The following CPNE5 variants were observed in gnomAD, a reference collection of about 807,000 sequenced individuals.
The protein encoded by CPNE5 is copine 5.
In CPNE5, 42 loss-of-function variants were observed where a neutral mutation model predicts 81.1. That is an observed-to-expected ratio of 0.52 (90% CI 0.40 to 0.67). CPNE5 has a LOEUF of 0.67. CPNE5 is among the 30% of genes least tolerant of loss of function. The pLI, the probability that CPNE5 is intolerant of heterozygous loss-of-function variation, is 0.00. For synonymous variants in CPNE5, 313 were observed against 321.5 expected, an observed-to-expected ratio of 0.97 and a Z score of 0.28; for missense variants, 612 against 815.5, an observed-to-expected ratio of 0.75 and a Z score of 3.04.
chr6:36,838,161 C>T (rs1286935778), intron 1 of CPNE5, among the ~76,000 whole-genome samples: 1 of 152,216 alleles, frequency 6.6e-6, no homozygotes, highest in East Asian at 1.9e-4. Context: ...GCTCTACCTA[C>T]ACCTCATCAA....
At chr6:36,833,231 C>T (rs1052030804) in intron 1 of CPNE5, among the ~76,000 whole-genome samples, 12 of 152,240 alleles carry the variant, frequency 7.9e-5, no homozygotes, top group Non-Finnish European at 1.5e-5. Context: ...CAAGTCCCTT[C>T]ACCTCTCTGA....
chr6:36,758,161 C>T (rs998471705), intron 12 of CPNE5, among the ~76,000 whole-genome samples: 1 of 152,170 alleles, frequency 6.6e-6, no homozygotes, highest in African/African-American at 2.4e-5. Context: ...CCTCAGTCTC[C>T]TCATCTCTAA....
chr6:36,752,609 G>A (rs889023013), intron 14 of CPNE5: 1 of 157,156 alleles, frequency 6.4e-6, no homozygotes, highest in Non-Finnish European at 1.4e-5. Context: ...TACAGAGGAG[G>A]AAACTGATAC....
chr6:36,792,657 G>C (rs1239396228), intron 7 of CPNE5, among the ~76,000 whole-genome samples: 1 of 152,168 alleles, frequency 6.6e-6, no homozygotes, highest in East Asian at 1.9e-4. Context: ...CTGGGAGTGA[G>C]AGATCCCAGC....
intron 18 of CPNE5, 135 bp downstream of exon 18, chr6:36,744,906 AGGCAGGG>A: frequency 6.1e-6 from 4 of 652,834 alleles, no homozygotes; most frequent in South Asian, 1.8e-5. Context: ...GGGCCCAGTG[AGGCAGGG>A]AAATGAGAAG....
At chr6:36,823,023 A>G in intron 2 of CPNE5, 35 bp downstream of exon 2, 1 of 1,528,244 alleles carries the variant, frequency 6.5e-7, no homozygotes, top group South Asian at 1.3e-5. Context: ...CGTTGCCGCT[A>G]TTGTTACCGT....
chr6:36,777,792 A>G (rs1399753491), intron 9 of CPNE5, among the ~76,000 whole-genome samples: 1 of 114,568 alleles, frequency 8.7e-6, no homozygotes, highest in South Asian at 3.8e-4. Context: ...ACACACACAC[A>G]CACACACACA....
At chr6:36,790,729 G>C (rs1019494915) in intron 8 of CPNE5, among the ~76,000 whole-genome samples, 23 of 152,090 alleles carry the variant, frequency 1.5e-4, no homozygotes, top group African/African-American at 5.3e-4. Flanking sequence ...GTTTTTAGTA[G>C]AGACGGGGTT....
chr6:36,763,703 T>A (rs904411027), intron 11 of CPNE5, among the ~76,000 whole-genome samples: 20 of 152,180 alleles, frequency 1.3e-4, no homozygotes, highest in Non-Finnish European at 2.6e-4. Flanking sequence ...ACATTTTCAA[T>A]GAAGCATTTA....
At chr6:36,804,974 T>C (rs1770456202) in intron 3 of CPNE5, among the ~76,000 whole-genome samples, 1 of 152,162 alleles carries the variant, frequency 6.6e-6, no homozygotes, top group Admixed American at 6.5e-5. Flanking sequence ...TTACTGAAGA[T>C]GTTTTATAGC....
In CPNE5 at chr6:36,766,577, A is replaced by G. The variant is rs1766582326; in HGVS notation, c.738-1201T>C. On this transcript the variant is annotated intron_variant, in intron 10 of 20. Coordinates refer to ENST00000244751, the MANE Select transcript of CPNE5 (RefSeq NM_020939.2). The surrounding 1 kb of genome is among the most constrained non-coding windows in gnomAD (Gnocchi z 4.2). The stretch of plus-strand genomic sequence containing the variant: ...GAGGTGAATTATTGTGGAAAGGAAA[A>G]AAAAATCACCTAAGCCCCTGAAGGT... Among the ~76,000 whole-genome samples, 1 of 152,166 alleles carries G rather than the reference A, an allele frequency of 6.6e-6. No individual in the cohort carries two copies. The highest frequency in any genetic ancestry group is 2.4e-5 in the African/African-American group (1 of 41,422).
At chr6:36,775,924 G>A (rs970323817) in intron 9 of CPNE5, among the ~76,000 whole-genome samples, 1 of 151,938 alleles carries the variant, frequency 6.6e-6, no homozygotes, top group Non-Finnish European at 1.5e-5. Flanking sequence ...TTTCTTGGGG[G>A]GCGAGTTTCC....
intron 8 of CPNE5, among the ~76,000 whole-genome samples, chr6:36,790,390 A>G (rs1357624525): frequency 6.6e-6 from 1 of 152,168 alleles, no homozygotes; most frequent in Non-Finnish European, 1.5e-5. Context: ...GGTCAAAACT[A>G]TTTACATAAT....
At chr6:36,757,693 A>T (rs1765619447) in intron 12 of CPNE5, among the ~76,000 whole-genome samples, 1 of 152,282 alleles carries the variant, frequency 6.6e-6, no homozygotes, top group Non-Finnish European at 1.5e-5. Context: ...AACAAGGGGG[A>T]TCACAGAAGT....
chr6:36,839,143 G>A lies in CPNE5; in HGVS notation c.95+140C>T, dbSNP rs992640800. On this transcript the variant is annotated intron_variant, in intron 1 of 20. Coordinates refer to ENST00000244751, the MANE Select transcript of CPNE5 (RefSeq NM_020939.2). This position sits in a 1 kb window ranked among gnomAD's most constrained non-coding sequence, Gnocchi z 7.3. ...CAGCTGGACAGGACAGGGGCTCTTG[G>A]CAGATCGGCAGGGGCGCAGTCCTGG... is the stretch of plus-strand genomic sequence containing the variant. 7 of 589,852 alleles carry A rather than the reference G, an allele frequency of 1.2e-5. No homozygotes were observed. In the African/African-American group the frequency reaches 1.3e-4, roughly 11 times the overall value. 36.5% of individuals were successfully genotyped at this position (589,852 alleles called of 1,614,324 possible). A position where few individuals can be genotyped will look rare whatever the true frequency, so the allele number is the denominator to read the frequency against.
At chr6:36,786,511 C>A (rs940934575) in intron 8 of CPNE5, among the ~76,000 whole-genome samples, 1 of 152,268 alleles carries the variant, frequency 6.6e-6, no homozygotes, top group Middle Eastern at 3.4e-3. Flanking sequence ...CCAGACTGAC[C>A]GTTTTCCCTC....
intron 3 of CPNE5, among the ~76,000 whole-genome samples, chr6:36,808,083 T>A (rs1770756062): frequency 6.9e-6 from 1 of 144,998 alleles, no homozygotes; most frequent in Non-Finnish European, 1.5e-5. Context: ...TGCTTCCAGA[T>A]TTCTTTTCTT....
At chr6:36,760,766 G>T (rs1487327528) in intron 12 of CPNE5, among the ~76,000 whole-genome samples, 4 of 152,202 alleles carry the variant, frequency 2.6e-5, no homozygotes, top group African/African-American at 9.7e-5. Context: ...CTGAGCTACA[G>T]GAAGGGCCAG....
At chr6:36,792,385 T>A (rs771464045) in intron 7 of CPNE5, 2 of 1,474,182 alleles carry the variant, frequency 1.4e-6, no homozygotes, top group Non-Finnish European at 9.0e-7. Context: ...TGGAAAAGCA[T>A]CCAGACTCAC....
Sources: allele counts gnomAD v4.1 joint callset (sites outside exome capture counted in the v4.1 genomes callset), GRCh38; gene constraint gnomAD v4.1.1; non-coding constraint Gnocchi (gnomAD v3.1); transcripts MANE v1.5; gene names NCBI Gene and HGNC (gene_info 2026-07-23, HGNC 2026-07-21).